Variants in SGCZ observed in about 807,000 individuals in gnomAD.
The protein encoded by SGCZ is zeta-sarcoglycan.
In SGCZ, 40 loss-of-function variants were observed where a neutral mutation model predicts 41.3. The ratio of observed to expected loss-of-function variants is 0.97; its 90% CI spans 0.75 to 1.26. SGCZ has a LOEUF of 1.26. Ranked by LOEUF, SGCZ falls within the 50% of genes most tolerant of loss-of-function variation. The pLI is 0.00. For synonymous variants in SGCZ, 206 were observed against 137.5 expected (o/e 1.50, Z -3.49); for missense variants, 552 against 369.8 (o/e 1.49, Z -4.04).
chr8:14,601,500 A>G (rs1338671781), intron 1 of SGCZ, among the ~76,000 whole-genome samples: 1 of 152,158 alleles, frequency 6.6e-6, no homozygotes, highest in Non-Finnish European at 1.5e-5. Flanking sequence ...AATGACTGTA[A>G]AGTTGATCTT....
At chr8:15,203,056 G>A (rs1800944830) in intron 1 of SGCZ, among the ~76,000 whole-genome samples, 1 of 151,948 alleles carries the variant, frequency 6.6e-6, no homozygotes, top group Admixed American at 6.6e-5. Context: ...GTTGAAGTGA[G>A]TTGAGACCAT....
chr8:15,190,502 C>T (rs2117108833), intron 1 of SGCZ, among the ~76,000 whole-genome samples: 1 of 152,216 alleles, frequency 6.6e-6, no homozygotes, highest in South Asian at 2.1e-4. Flanking sequence ...AAATCAGACA[C>T]TGTGGTGTAC....
chr8:14,414,760 A>C (rs12543569), intron 2 of SGCZ, among the ~76,000 whole-genome samples: 36,595 of 151,750 alleles, frequency 0.24, 4,591 homozygotes, highest in Non-Finnish European at 0.29. Context: ...AATGGCTTCT[A>C]ATTAGGACAT....
chr8:14,289,645 C>T (rs956732914), intron 3 of SGCZ, among the ~76,000 whole-genome samples: 2 of 151,742 alleles, frequency 1.3e-5, no homozygotes, highest in African/African-American at 4.8e-5. Flanking sequence ...ATAGAAAGGC[C>T]AGAAATAAAC....
chr8:14,313,777 A>T (rs538497074), intron 3 of SGCZ, among the ~76,000 whole-genome samples: 3 of 152,302 alleles, frequency 2.0e-5, no homozygotes, highest in South Asian at 4.2e-4. Context: ...ATAGGTTGTT[A>T]TTCACACAAA....
Position 14,676,346 on chromosome 8 carries a change from A to ATGTGTGTGTGTGTGTG in SGCZ, c.40-121436_40-121421dup, listed in dbSNP as rs33909996. Among the ~76,000 whole-genome samples the ATGTGTGTGTGTGTGTG allele has an allele frequency of 8.9e-3, 1,332 of 149,386 alleles. 12 individuals carry two copies. The highest frequency in any genetic ancestry group is 0.025 in the East Asian group (123 of 4,934). On this transcript the variant is annotated intron_variant, in intron 1 of 7. Transcript: ENST00000382080. ...TCCCACCTCTACAAAAATGAAATAGATGTGTGTGTGTGTGTGTGTGTGTAT... is the reference window on the plus strand; with the variant it reads ...TCCCACCTCTACAAAAATGAAATAGATGTGTGTGTGTGTGTGTGTGTGTGTGTGTGTGTGTGTGTAT...
intron 1 of SGCZ, among the ~76,000 whole-genome samples, chr8:15,159,873 A>T (rs1340308626): frequency 2.0e-5 from 3 of 151,170 alleles, no homozygotes; most frequent in Admixed American, 1.3e-4. Context: ...CTCTACTCAC[A>T]AATTAAGTTG....
chr8:14,710,591 T>G (rs964199844), intron 1 of SGCZ, among the ~76,000 whole-genome samples: 1 of 152,078 alleles, frequency 6.6e-6, no homozygotes, highest in Non-Finnish European at 1.5e-5. Context: ...ATAATAATTA[T>G]ATACTCTGCC....
rs186238999 is a variant in SGCZ at position 14,828,255 on chromosome 8, A to G, written c.40-273329T>C. Among the ~76,000 whole-genome samples the G allele has an allele frequency of 2.3e-3, 347 of 152,328 alleles. 5 individuals carry two copies. The highest frequency in any genetic ancestry group is 4.0e-3 in the Non-Finnish European group (270 of 68,024). On this transcript the variant is annotated intron_variant, in intron 1 of 7. Transcript: ENST00000382080. The stretch of plus-strand genomic sequence containing the variant: ...TCATTTTAAGAAGGGATGAGATGAT[A>G]TTGAAGATGAAGCCTGCAGGAACAA...
At chr8:15,151,620 G>A (rs922715053) in intron 1 of SGCZ, among the ~76,000 whole-genome samples, 2 of 152,076 alleles carry the variant, frequency 1.3e-5, no homozygotes, top group African/African-American at 4.8e-5. Flanking sequence ...TTTTAAAGTA[G>A]AGAAATACTT....
intron 1 of SGCZ, among the ~76,000 whole-genome samples, chr8:14,784,387 T>C (rs1362500813): frequency 1.5e-5 from 2 of 136,562 alleles, no homozygotes; most frequent in Non-Finnish European, 3.1e-5. Flanking sequence ...ATCTTATACA[T>C]TGATTTCATG....
intron 1 of SGCZ, among the ~76,000 whole-genome samples, chr8:15,111,670 G>T (rs543665829): frequency 6.6e-6 from 1 of 152,158 alleles, no homozygotes; most frequent in Non-Finnish European, 1.5e-5. Flanking sequence ...GGGAGGCCGA[G>T]GTGGGCGGAT....
intron 4 of SGCZ, among the ~76,000 whole-genome samples, chr8:14,200,098 A>T (rs1805406900): frequency 6.6e-6 from 1 of 152,162 alleles, no homozygotes; most frequent in African/African-American, 2.4e-5. Context: ...CAGTGTTGGA[A>T]TATATCCCCT....
intron 1 of SGCZ, among the ~76,000 whole-genome samples, chr8:14,871,888 GT>G (rs1804166628): frequency 6.7e-6 from 1 of 149,342 alleles, no homozygotes; most frequent in African/African-American, 2.5e-5. Context: ...ATATATGTAT[GT>G]ATATATGTAT....
chr8:14,233,569 TAAAG>T (rs1806648433), intron 4 of SGCZ, among the ~76,000 whole-genome samples: 4 of 145,440 alleles, frequency 2.8e-5, no homozygotes, highest in South Asian at 2.2e-4. Flanking sequence ...TATACTACCA[TAAAG>T]ATTTTTATTC....
intron 1 of SGCZ, among the ~76,000 whole-genome samples, chr8:14,735,093 C>T (rs1420755377): frequency 6.6e-6 from 1 of 152,010 alleles, no homozygotes; most frequent in Non-Finnish European, 1.5e-5. Flanking sequence ...TCATGAATCC[C>T]CAAAAAGACG....
intron 1 of SGCZ, among the ~76,000 whole-genome samples, chr8:14,913,537 T>C (rs1799339337): frequency 6.6e-6 from 1 of 152,112 alleles, no homozygotes; most frequent in African/African-American, 2.4e-5. Context: ...AAAAAGTTTA[T>C]TGTTTCCTAG....
chr8:14,772,540 T>G (rs1182643784), intron 1 of SGCZ, among the ~76,000 whole-genome samples: 3 of 150,730 alleles, frequency 2.0e-5, no homozygotes, highest in Admixed American at 1.3e-4. Flanking sequence ...AACTCATCAT[T>G]TAGCATTAGG....
chr8:14,535,623 G>T (rs376151571), intron 2 of SGCZ, among the ~76,000 whole-genome samples: 5 of 151,714 alleles, frequency 3.3e-5, no homozygotes, highest in African/African-American at 1.2e-4. Context: ...TTATGAAAAG[G>T]GAAATAAAAT....
Sources: allele counts gnomAD v4.1 joint callset (sites outside exome capture counted in the v4.1 genomes callset), GRCh38; gene constraint gnomAD v4.1.1; transcripts MANE v1.5; gene names NCBI Gene and HGNC (gene_info 2026-07-23, HGNC 2026-07-21).